Variants in LRRC7 observed in about 807,000 individuals in gnomAD.
LRRC7 encodes the protein leucine rich repeat containing 7, also known as leucine-rich repeat-containing protein 7.
In LRRC7, 23 loss-of-function variants were observed where a neutral mutation model predicts 175.7. That is an observed-to-expected ratio of 0.13 (90% confidence interval 0.09 to 0.19). LRRC7 has a LOEUF of 0.19. Ranked by LOEUF, LRRC7 falls within the 10% of genes least tolerant of loss-of-function variation. The pLI is 1.00. For synonymous variants in LRRC7, 685 were observed against 680.9 expected (o/e 1.01, Z -0.09); for missense variants, 1,354 against 1,904.7 (o/e 0.71, Z 5.38).
At chr1:69,571,273 G>A (rs1305168525) in intron 1 of LRRC7, among the ~76,000 whole-genome samples, 1 of 152,164 alleles carries the variant, frequency 6.6e-6, no homozygotes, top group East Asian at 1.9e-4. Context: ...TCCAGTTGCA[G>A]TAGCCATGTT....
intron 10 of LRRC7, among the ~76,000 whole-genome samples, chr1:69,990,244 G>C (rs1015756847): frequency 3.3e-5 from 5 of 151,948 alleles, no homozygotes; most frequent in Admixed American, 6.6e-5. Flanking sequence ...AACTTAATTT[G>C]GTAGAAATTA....
chr1:69,803,461 C>CA (rs1676757722), intron 4 of LRRC7, among the ~76,000 whole-genome samples: 1 of 151,350 alleles, frequency 6.6e-6, no homozygotes, highest in Non-Finnish European at 1.5e-5. Flanking sequence ...AATATGTACA[C>CA]ATTTTGTTAG....
chr1:69,678,344 A>G lies in LRRC7; in HGVS notation c.3-37A>G, dbSNP rs1660052979. 2.9e-6 allele frequency: 4 copies of G among 1,401,082 alleles called. No individual in the cohort carries two copies. In the East Asian group the frequency reaches 9.9e-5, roughly 35 times the overall value. 86.8% of individuals were successfully genotyped at this position (1,401,082 alleles called of 1,614,324 possible). A position where few individuals can be genotyped will look rare whatever the true frequency, so the allele number is the denominator to read the frequency against. Reference sequence around the variant, plus strand: ...AACTTGTAAACATTTATCCAAAAAAAAGAGTATGAAAATACTCTTCTGATT... The same window carrying G: ...AACTTGTAAACATTTATCCAAAAAAGAGAGTATGAAAATACTCTTCTGATT... On this transcript the variant is annotated intron_variant, in intron 1 of 26. Transcript: ENST00000651989.
chr1:69,639,901 G>T (rs1653947831), intron 1 of LRRC7, among the ~76,000 whole-genome samples: 1 of 151,672 alleles, frequency 6.6e-6, no homozygotes, highest in Admixed American at 6.6e-5. Context: ...AAACAGGAAA[G>T]AGGAAAGAAA....
intron 8 of LRRC7, among the ~76,000 whole-genome samples, chr1:69,962,633 A>G (rs891370301): frequency 6.6e-6 from 1 of 152,234 alleles, no homozygotes; most frequent in African/African-American, 2.4e-5. Flanking sequence ...ACACCAAGGA[A>G]TACTATGCAG....
intron 7 of LRRC7, among the ~76,000 whole-genome samples, chr1:69,861,923 G>T (rs1200191181): frequency 1.3e-5 from 2 of 152,108 alleles, no homozygotes; most frequent in African/African-American, 4.8e-5. Flanking sequence ...TAGCTTTCTG[G>T]TACTTTTTAA....
At chr1:69,594,558 G>A (rs1631834) in intron 1 of LRRC7, among the ~76,000 whole-genome samples, 23,012 of 151,874 alleles carry the variant, frequency 0.15, 1,919 homozygotes, top group Admixed American at 0.19. Context: ...TGCCTCTTGG[G>A]GCTTCATATT....
At chr1:69,861,286 TAGATAATGTTCAC>T (rs1438570808) in intron 7 of LRRC7, among the ~76,000 whole-genome samples, 1 of 152,188 alleles carries the variant, frequency 6.6e-6, no homozygotes, top group Non-Finnish European at 1.5e-5. Flanking sequence ...CATATTTTTC[TAGATAATGTTCAC>T]AGATAATGTT....
intron 7 of LRRC7, among the ~76,000 whole-genome samples, chr1:69,844,757 C>A (rs899023356): frequency 2.0e-5 from 3 of 151,968 alleles, no homozygotes; most frequent in African/African-American, 7.2e-5. Context: ...TTTAGGAAAC[C>A]ATTCACTATA....
rs139978146 is a variant in LRRC7, at chr1:69,984,857, TAG to T, written c.787-1382_787-1381del. Among the ~76,000 whole-genome samples the T allele has an allele frequency of 6.5e-3, 993 of 152,354 alleles. 9 individuals carry two copies. Among genetic ancestry groups the T allele is most frequent in the African/African-American group, 0.022 (915 of 41,580 alleles). ...CCTTTTGCTTTCCTTGCCTATAAAA[TAG>T]AGTTTGCATTTCTTCACGTGACATA... On this transcript the variant is annotated intron_variant, in intron 9 of 26. Transcript: ENST00000651989.
intron 15 of LRRC7, among the ~76,000 whole-genome samples, chr1:70,019,029 T>C (rs999365724): frequency 3.3e-5 from 5 of 152,042 alleles, no homozygotes; most frequent in Admixed American, 3.3e-4. Context: ...AAACTCTTCA[T>C]CTTTATATCT....
intron 1 of LRRC7, among the ~76,000 whole-genome samples, chr1:69,611,711 C>T (rs2100255484): frequency 6.6e-6 from 1 of 152,156 alleles, no homozygotes; most frequent in East Asian, 1.9e-4. Context: ...CTTAGCAACA[C>T]TAGACAGTAC....
At chr1:69,796,639 G>A (rs1675808690) in intron 4 of LRRC7, among the ~76,000 whole-genome samples, 2 of 151,788 alleles carry the variant, frequency 1.3e-5, no homozygotes, top group African/African-American at 4.8e-5. Flanking sequence ...ACAACAAGAA[G>A]AAAAATTAGC....
rs972114644 is a variant in LRRC7 at position 69,934,509 on chromosome 1, G to T, written c.711+2939G>T. Among the ~76,000 whole-genome samples the T allele has an allele frequency of 1.4e-3, 125 of 90,390 alleles. 3 individuals are homozygous for T. In the East Asian group the frequency reaches 0.02, roughly 15 times the overall value. 59.3% of individuals were successfully genotyped at this position (90,390 alleles called of 152,430 possible). ...GATATTTTGGCGGGGGGGGGGCGGG[G>T]GGTGGGGGGTTTTGTTGTTTCTTTC... On this transcript the variant is annotated intron_variant, in intron 8 of 26. Transcript: ENST00000651989.
Position 69,781,719 on chromosome 1 carries a change from GAAAGAAAGAA to G in LRRC7, c.304-10322_304-10313del, listed in dbSNP as rs1178967450. ...AGAAAGAAAGAAAGAAAGAAAGAAA[GAAAGAAAGAA>G]AGAAAGAGAGAGAGAGAGAGAGAGA... On this transcript the variant is annotated intron_variant, in intron 3 of 26. Transcript: ENST00000651989. Among the ~76,000 whole-genome samples, 18 of 30,032 alleles carry G rather than the reference GAAAGAAAGAA, an allele frequency of 6.0e-4. 2 individuals carry two copies. Among genetic ancestry groups the G allele is most frequent in the East Asian group, 3.2e-3 (2 of 634 alleles). The allele number at this position is 30,032 out of a possible 152,430, so 19.7% of individuals were successfully genotyped here. A position where few individuals can be genotyped will look rare whatever the true frequency, so the allele number is the denominator to read the frequency against.
chr1:69,867,146 T>C (rs1685036672), intron 7 of LRRC7, among the ~76,000 whole-genome samples: 1 of 152,190 alleles, frequency 6.6e-6, no homozygotes, highest in Non-Finnish European at 1.5e-5. Flanking sequence ...TATTCTTTAG[T>C]CTCCTCTCTC....
At chr1:69,914,640 C>G (rs1005263709) in intron 7 of LRRC7, among the ~76,000 whole-genome samples, 1 of 151,974 alleles carries the variant, frequency 6.6e-6, no homozygotes, top group Admixed American at 6.6e-5. Flanking sequence ...TATTCTCAAT[C>G]CTTAATTTAT....
intron 2 of LRRC7, among the ~76,000 whole-genome samples, chr1:69,686,261 C>T (rs543527275): frequency 6.6e-6 from 1 of 152,252 alleles, no homozygotes; most frequent in Non-Finnish European, 1.5e-5. Context: ...ACACAGAACT[C>T]TCCAAACACA....
At chr1:69,881,493 T>C (rs1272127687) in intron 7 of LRRC7, among the ~76,000 whole-genome samples, 1 of 152,186 alleles carries the variant, frequency 6.6e-6, no homozygotes. Flanking sequence ...GTTTGAATTA[T>C]TATGACACCA....
Sources: allele counts gnomAD v4.1 joint callset (sites outside exome capture counted in the v4.1 genomes callset), GRCh38; gene constraint gnomAD v4.1.1; transcripts MANE v1.5; gene names NCBI Gene and HGNC (gene_info 2026-07-23, HGNC 2026-07-21).